BDP1: variants seen among roughly 807,000 people sequenced by gnomAD.
The protein encoded by BDP1 is transcription factor TFIIIB component B'' homolog.
Under a neutral mutation model 266.6 loss-of-function variants are expected in BDP1, and 169 were observed. The ratio of observed to expected loss-of-function variants is 0.63; its 90% CI spans 0.56 to 0.72. The LOEUF (loss-of-function observed/expected upper bound fraction) is 0.72, where lower values mean the gene tolerates loss of function less well. Ranked by LOEUF, BDP1 falls within the 30% of genes least tolerant of loss-of-function variation. The probability of loss-of-function intolerance (pLI) is 0.00; values close to 1 mark genes in which losing one functional copy is unlikely to be tolerated. For missense variants in BDP1, 3,015 were observed against 3,053.8 expected (o/e 0.99, Z 0.30); for synonymous variants, 1,090 against 1,022.4 (o/e 1.07, Z -1.26).
In BDP1 at chr5:71,517,468, A is replaced by C; in HGVS notation, c.4991+16A>C. On this transcript the variant is annotated intron_variant, in intron 22 of 38. Coordinates refer to ENST00000358731, the MANE Select transcript of BDP1 (RefSeq NM_018429.3). Reference sequence around the variant, plus strand: ...AAACAATCAGGTGAGTTTGCTTTTAATGAGAAAAAATAAGACTTTTCAAAG... The same window carrying C: ...AAACAATCAGGTGAGTTTGCTTTTACTGAGAAAAAATAAGACTTTTCAAAG... 6.5e-7 allele frequency: 1 copy of C among 1,548,110 alleles called. No homozygotes were observed. Among genetic ancestry groups the C allele is most frequent in the South Asian group, 1.3e-5 (1 of 79,290 alleles).
intron 12 of BDP1, 102 bp downstream of exon 12, chr5:71,495,510 ATACT>A (rs1763831521): frequency 1.4e-5 from 9 of 660,882 alleles, no homozygotes; most frequent in African/African-American, 9.2e-5. Flanking sequence ...TTATTAATAC[ATACT>A]TTATTAATAG....
rs368928049 is a variant in BDP1, at chr5:71,562,357, G to A, written c.7580G>A (p.Ser2527Asn). ...TCTGATGAACCTATGCAAGTCCATA[G>A]TAAGAAACGCCTAAAACCTCTTATA... ...LESDEPMQVH[S>N]KKRLKPLIPG... is the part of the protein sequence containing the mutation. Residue 2527 changes from serine (S) to asparagine (N), a missense_variant, in exon 38 of 39, where the codon AGT becomes AAT. By Grantham distance (46) the Ser-to-Asn change is conservative. Around this residue, in one of 3 missense-constraint regions of BDP1, gnomAD observed 629 missense variants for 632.5 expected, o/e 0.99. Coordinates refer to ENST00000358731, the MANE Select transcript of BDP1 (RefSeq NM_018429.3). The A allele has an allele frequency of 1.9e-6, 3 of 1,613,552 alleles. No homozygotes were observed. The highest frequency in any genetic ancestry group is 2.7e-5 in the African/African-American group (2 of 74,860).
chr5:71,465,632 C>T (rs551538057), intron 4 of BDP1, among the ~76,000 whole-genome samples: 28 of 152,270 alleles, frequency 1.8e-4, no homozygotes, highest in African/African-American at 6.5e-4. Context: ...CCTGTAATCC[C>T]GGCACTTTGG....
Position 71,516,078 on chromosome 5 carries a change from CT to C in BDP1, c.4670del (p.Phe1557SerfsTer5). The C allele has an allele frequency of 6.2e-7, 1 of 1,606,868 alleles. No individual in the cohort carries two copies. Among genetic ancestry groups the C allele is most frequent in the Non-Finnish European group, 8.5e-7 (1 of 1,176,234 alleles). On this transcript the variant is annotated frameshift_variant, in exon 21 of 39. Coordinates refer to ENST00000358731, the MANE Select transcript of BDP1 (RefSeq NM_018429.3). LOFTEE classifies it high-confidence loss of function. ...VVSVGTNNVN[T>X]FQQEMKESVI... Reference sequence around the variant, plus strand: ...TTGTTTAGGACTAATAATGTAAACACTTTCCAGCAAGAAATGAAGGAAAGTG... The same window carrying C: ...TTGTTTAGGACTAATAATGTAAACACTTCCAGCAAGAAATGAAGGAAAGTG...
intron 6 of BDP1, among the ~76,000 whole-genome samples, chr5:71,468,434 CGTT>C (rs1762034991): frequency 6.6e-6 from 1 of 151,474 alleles, no homozygotes; most frequent in African/African-American, 2.4e-5. Context: ...AGGCGTGAGT[CGTT>C]GTGCCCAGCC....
chr5:71,467,566 C>T, intron 6 of BDP1, 79 bp downstream of exon 6: 1 of 1,221,126 alleles, frequency 8.2e-7, no homozygotes, highest in Non-Finnish European at 1.2e-6. Context: ...TCAGTTCTCC[C>T]CTAAGTACAT....
At chr5:71,544,306 A>C in intron 30 of BDP1, 51 bp from the exon 31 acceptor site, 1 of 1,534,818 alleles carries the variant, frequency 6.5e-7, no homozygotes, top group African/African-American at 1.4e-5. Flanking sequence ...TAATACAGGG[A>C]TTTTAGCTGT....
intron 31 of BDP1, 73 bp downstream of exon 31, chr5:71,544,580 AT>A: frequency 6.6e-7 from 1 of 1,514,634 alleles, no homozygotes; most frequent in Non-Finnish European, 8.9e-7. Flanking sequence ...GGCTGTAAGA[AT>A]TTGAAAAAGA....
chr5:71,493,400 C>T (rs1479077230), intron 11 of BDP1, among the ~76,000 whole-genome samples: 1 of 152,148 alleles, frequency 6.6e-6, no homozygotes, highest in Non-Finnish European at 1.5e-5. Flanking sequence ...GCTGGGACTA[C>T]AGTCATGGGA....
Position 71,525,176 on chromosome 5 carries a change from G to A in BDP1, c.5772+853G>A, listed in dbSNP as rs571112218. 1.5e-4 allele frequency among the ~76,000 whole-genome samples: 23 copies of A among 152,168 alleles called. No homozygotes were observed. In the South Asian group the frequency reaches 4.2e-3, roughly 27 times the overall value. On this transcript the variant is annotated intron_variant, in intron 25 of 38. Transcript: ENST00000358731. ...ACACCTCGCAGACGGGGTGGTGGCC[G>A]GGCAGAGGGGCTACTCACTTCCCAG...
chr5:71,517,477 A>C (rs1448291768), intron 22 of BDP1, 25 bp downstream of exon 22: 3 of 1,539,866 alleles, frequency 1.9e-6, no homozygotes, highest in South Asian at 2.5e-5. Context: ...AATGAGAAAA[A>C]ATAAGACTTT....
intron 33 of BDP1, 127 bp from the exon 34 acceptor site, chr5:71,549,293 A>T (rs1742574610): frequency 1.3e-6 from 1 of 776,848 alleles, no homozygotes; most frequent in Admixed American, 3.1e-5. Context: ...TGTTGGGGGG[A>T]GCATTTATTT....
Position 71,553,276 on chromosome 5 carries a change from C to A in BDP1, c.7156C>A (p.Arg2386Ser). The A allele has an allele frequency of 6.2e-7, 1 of 1,613,044 alleles. No individual in the cohort carries two copies. Among genetic ancestry groups the A allele is most frequent in the South Asian group, 1.1e-5 (1 of 91,024 alleles). The change falls in exon 35 of 39, where the codon CGT (arginine) becomes AGT (serine). Residue 2386 changes from arginine (R) to serine (S), a missense_variant. Physicochemically the swap from Arg to Ser is moderately radical, Grantham distance 110. This residue lies in a region of BDP1 where 629 missense variants were observed against 632.5 expected (regional missense o/e 0.99). Transcript: ENST00000358731. ...KNDHIPPAKK[R>S]SLTLRDDCQE... ...TGACCACATTCCTCCTGCCAAAAAA[C>A]GTTCACTCACTTTAAGAGATGACTG...
intron 9 of BDP1, among the ~76,000 whole-genome samples, chr5:71,487,578 A>G (rs186795534): frequency 2.4e-4 from 37 of 152,226 alleles, no homozygotes; most frequent in Non-Finnish European, 3.2e-4. Flanking sequence ...AAACAGCCCC[A>G]GAGATCGTAA....
intron 9 of BDP1, among the ~76,000 whole-genome samples, chr5:71,487,828 G>T (rs1356166499): frequency 6.6e-6 from 1 of 152,210 alleles, no homozygotes; most frequent in African/African-American, 2.4e-5. Context: ...ACTCTTATCA[G>T]TTAGGGTGGT....
rs761325719 is a variant in BDP1, at chr5:71,456,069, A to C, written c.192A>C (p.Gln64His). ...PTVDFGGAEP[Q>H]EKAPRSSTEK... Reference sequence around the variant, plus strand: ...TCGATTTCGGTGGAGCGGAGCCCCAAGAAAAGGCTCCTAGGAGCAGGTAAG... The same window carrying C: ...TCGATTTCGGTGGAGCGGAGCCCCACGAAAAGGCTCCTAGGAGCAGGTAAG... Residue 64 changes from glutamine to histidine, a missense_variant, in exon 1 of 39, where the codon CAA (glutamine) becomes CAC (histidine). By Grantham distance (24) the Gln-to-His change is conservative. Coordinates refer to ENST00000358731, the MANE Select transcript of BDP1 (RefSeq NM_018429.3). The C allele has an allele frequency of 6.2e-7, 1 of 1,613,226 alleles. No individual in the cohort carries two copies. Among genetic ancestry groups the C allele is most frequent in the Non-Finnish European group, 8.5e-7 (1 of 1,180,012 alleles).
rs116791127 is a variant in BDP1, at chr5:71,540,668, C to T, written c.6023-786C>T. 9.5e-3 allele frequency among the ~76,000 whole-genome samples: 1,444 copies of T among 152,252 alleles called. 27 individuals carry two copies. The highest frequency in any genetic ancestry group is 0.033 in the African/African-American group (1,361 of 41,560). ...TATTAGACTTTTGGGCCAGATGCAG[C>T]AGCTCATGCCAATAATACCAGCACT... On this transcript the variant is annotated intron_variant, in intron 28 of 38. Coordinates refer to ENST00000358731, the MANE Select transcript of BDP1 (RefSeq NM_018429.3).
intron 2 of BDP1, among the ~76,000 whole-genome samples, chr5:71,459,960 T>TG (rs1444592265): frequency 6.6e-6 from 1 of 152,218 alleles, no homozygotes; most frequent in Non-Finnish European, 1.5e-5. Context: ...TTCAAAAATG[T>TG]GAAAAAATCC....
intron 3 of BDP1, 25 bp downstream of exon 3, chr5:71,461,951 ACT>A: frequency 2.9e-6 from 3 of 1,024,500 alleles, no homozygotes; most frequent in Non-Finnish European, 4.4e-6. Flanking sequence ...TTTCTGCTTT[ACT>A]ATCTCTTTTT....
Sources: allele counts gnomAD v4.1 joint callset (sites outside exome capture counted in the v4.1 genomes callset), GRCh38; gene constraint gnomAD v4.1.1; regional missense constraint gnomAD v4.1.1; transcripts MANE v1.5; gene names NCBI Gene and HGNC (gene_info 2026-07-23, HGNC 2026-07-21).